Variants in ATG13 observed in about 807,000 individuals in gnomAD.
ATG13 encodes the protein autophagy related 13, also known as autophagy-related protein 13.
ATG13 carries 23 observed loss-of-function variants against 65.5 expected under a neutral mutation model. The ratio of observed to expected loss-of-function variants is 0.35; its 90% confidence interval spans 0.25 to 0.50. The LOEUF (loss-of-function observed/expected upper bound fraction) is 0.50. Among genes scored for constraint, ATG13 ranks in the 20% least tolerant of loss-of-function variants. ATG13 has a pLI of 0.98. For missense variants in ATG13, 566 were observed against 677.0 expected, an observed-to-expected ratio of 0.84 and a Z score of 1.82; for synonymous variants, 252 against 245.2, an observed-to-expected ratio of 1.03 and a Z score of -0.26.
intron 2 of ATG13, among the ~76,000 whole-genome samples, chr11:46,637,765 G>A (rs997389195): frequency 6.6e-6 from 1 of 152,202 alleles, no homozygotes; most frequent in Non-Finnish European, 1.5e-5. Context: ...AGAGGAGTGG[G>A]AAAGCTTTAT....
intron 12 of ATG13, 42 bp downstream of exon 12, chr11:46,664,137 T>A (rs115459916): frequency 1.5e-6 from 2 of 1,351,112 alleles, no homozygotes; most frequent in African/African-American, 1.5e-5. Flanking sequence ...TCAGATGGCA[T>A]CCTTTTATTT....
chr11:46,621,336 GTTGATACTTTCTTTT>G (rs1157092280), intron 1 of ATG13, among the ~76,000 whole-genome samples: 1 of 152,078 alleles, frequency 6.6e-6, no homozygotes, highest in East Asian at 1.9e-4. Context: ...ATTTTGAGTT[GTTGATACTTTCTTTT>G]TACATGAAGT....
intron 14 of ATG13, among the ~76,000 whole-genome samples, chr11:46,665,746 T>TA (rs1678262348): frequency 1.3e-5 from 2 of 151,676 alleles, no homozygotes; most frequent in Admixed American, 1.3e-4. Flanking sequence ...GATTTTGAGA[T>TA]TAACCTGGCC....
chr11:46,654,935 C>A (rs1030534540), intron 7 of ATG13, among the ~76,000 whole-genome samples: 3 of 150,756 alleles, frequency 2.0e-5, no homozygotes, highest in African/African-American at 7.3e-5. Flanking sequence ...CCTGTCTCTA[C>A]CAAAAATACA....
chr11:46,630,772 TC>T (rs2051420010), intron 2 of ATG13: 1 of 151,946 alleles, frequency 6.6e-6, no homozygotes. Flanking sequence ...GTCACTATGT[TC>T]CCTGGCTGGT....
At position 46,668,823 on chromosome 11, in the gene ATG13, A is replaced by T; in HGVS notation, c.1359A>T (p.Glu453Asp). ...ATCCTCCAGATTCCCCAGAGACTGA[A>T]TCTCCTCTCCAGGGCAGCCTGCACT... ...MVNPPDSPET[E>D]SPLQGSLHSD... The change falls in exon 17 of 19, where the codon GAA becomes GAT. Residue 453 changes from glutamate to aspartate, a missense_variant. By Grantham distance (45) the Glu-to-Asp change is conservative (BLOSUM62 2). Coordinates refer to ENST00000683050, the MANE Select transcript of ATG13 (RefSeq NM_001346311.2). The T allele has an allele frequency of 6.2e-7, 1 of 1,613,862 alleles. No individual in the cohort carries two copies. Among genetic ancestry groups the T allele is most frequent in the Non-Finnish European group, 8.5e-7 (1 of 1,179,970 alleles).
At chr11:46,653,180 C>CTTTTTT (rs1226638713) in intron 7 of ATG13, among the ~76,000 whole-genome samples, 22 of 132,658 alleles carry the variant, frequency 1.7e-4, no homozygotes, top group African/African-American at 4.3e-4. Context: ...CATTTCTTTT[C>CTTTTTT]TTTTTTTTTT....
chr11:46,650,336 C>A lies in ATG13; in HGVS notation c.458+19C>A. 1 of 1,604,160 alleles carries A rather than the reference C, an allele frequency of 6.2e-7. No individual in the cohort carries two copies. Among genetic ancestry groups the A allele is most frequent in the South Asian group, 1.1e-5 (1 of 90,674 alleles). On this transcript the variant is annotated intron_variant, in intron 7 of 18. Coordinates refer to ENST00000683050, the MANE Select transcript of ATG13 (RefSeq NM_001346311.2). The stretch of plus-strand genomic sequence containing the variant: ...TATACAGGTAAACAGCATAGATGGT[C>A]ATCTTGATTCACTCATCAACCCCCT...
chr11:46,643,339 A>G (rs955751405), intron 2 of ATG13, among the ~76,000 whole-genome samples: 1 of 152,178 alleles, frequency 6.6e-6, no homozygotes, highest in Non-Finnish European at 1.5e-5. Flanking sequence ...AACAAAGAGT[A>G]CATGACTACT....
chr11:46,624,837 A>G lies in ATG13; in HGVS notation c.-69-5208A>G, dbSNP rs192006747. On this transcript the variant is annotated intron_variant, in intron 1 of 18. Coordinates refer to ENST00000683050, the MANE Select transcript of ATG13 (RefSeq NM_001346311.2). ...TGCCTGAGCGCAAGAGTTTGAGACC[A>G]GCCTGAGCAACATAGTGAGATGCTG... Among the ~76,000 whole-genome samples, 164 of 152,302 alleles carry G rather than the reference A, an allele frequency of 1.1e-3. 1 individual carries two copies. The highest frequency in any genetic ancestry group is 8.9e-3 in the Admixed American group (136 of 15,278).
intron 5 of ATG13, 21 bp downstream of exon 5, chr11:46,646,010 G>T (rs1376846247): frequency 1.2e-6 from 2 of 1,613,684 alleles, no homozygotes; most frequent in African/African-American, 2.7e-5. Context: ...GGCCAGGTTG[G>T]TGTCTTCATT....
intron 1 of ATG13, among the ~76,000 whole-genome samples, chr11:46,623,277 G>T (rs550896797): frequency 1.3e-4 from 20 of 152,224 alleles, no homozygotes; most frequent in African/African-American, 4.3e-4. Flanking sequence ...CTGGGCAACA[G>T]AGCAAGACCC....
chr11:46,667,826 A>G lies in ATG13; in HGVS notation c.1190A>G (p.Asp397Gly), dbSNP rs2062712166. ...NSSEGRASPH[D>G]VLETIFVRKV... ...AGTGAGGGACGGGCCTCCCCTCACG[A>G]TGTCTTGGAGACCATCTTTGTCCGA... is the stretch of plus-strand genomic sequence containing the variant. The change falls in exon 15 of 19, where the codon GAT becomes GGT. Residue 397 changes from aspartate to glycine, a missense_variant. Coordinates refer to ENST00000683050, the MANE Select transcript of ATG13 (RefSeq NM_001346311.2). The G allele has an allele frequency of 6.2e-7, 1 of 1,612,380 alleles. No individual in the cohort carries two copies. The highest frequency in any genetic ancestry group is 2.2e-5 in the East Asian group (1 of 44,820).
chr11:46,637,022 C>T (rs747283523), intron 2 of ATG13, among the ~76,000 whole-genome samples: 18 of 152,000 alleles, frequency 1.2e-4, no homozygotes, highest in Admixed American at 9.2e-4. Context: ...CCACTGCGCC[C>T]AGCCATTGAG....
In ATG13 at chr11:46,658,778, C is replaced by T. The variant is rs143103590; in HGVS notation, c.696-614C>T. Among the ~76,000 whole-genome samples, 409 of 152,108 alleles carry T rather than the reference C, an allele frequency of 2.7e-3. 2 individuals carry two copies. Among genetic ancestry groups the T allele is most frequent in the African/African-American group, 9.5e-3 (394 of 41,488 alleles). ...CTCAAGCTCCTGACCTCAGATGATC[C>T]GCCTGCTTCGGCCTCCCAAAATGCT... On this transcript the variant is annotated intron_variant, in intron 10 of 18. Transcript: ENST00000683050.
intron 1 of ATG13, among the ~76,000 whole-genome samples, chr11:46,625,928 A>G (rs1303464274): frequency 9.2e-5 from 14 of 152,096 alleles, no homozygotes; most frequent in Admixed American, 8.5e-4. Flanking sequence ...TAGCATAGCC[A>G]TATTTGGGGG....
At chr11:46,663,423 G>A (rs1235879484) in intron 11 of ATG13, among the ~76,000 whole-genome samples, 1 of 152,032 alleles carries the variant, frequency 6.6e-6, no homozygotes, top group African/African-American at 2.4e-5. Context: ...GGGACTGTAA[G>A]AACGCATACA....
chr11:46,633,890 T>C (rs2135997462), intron 2 of ATG13, among the ~76,000 whole-genome samples: 1 of 152,318 alleles, frequency 6.6e-6, no homozygotes, highest in South Asian at 2.1e-4. Flanking sequence ...ATTAATAAAA[T>C]TAGTTTCTTT....
chr11:46,651,623 G>A (rs142026487), intron 7 of ATG13, among the ~76,000 whole-genome samples: 19 of 152,262 alleles, frequency 1.2e-4, no homozygotes, highest in African/African-American at 3.6e-4. Flanking sequence ...ATTTTTAGAC[G>A]AATAGTATAG....
Sources: allele counts gnomAD v4.1 joint callset (sites outside exome capture counted in the v4.1 genomes callset), GRCh38; gene constraint gnomAD v4.1.1; transcripts MANE v1.5; gene names NCBI Gene and HGNC (gene_info 2026-07-23, HGNC 2026-07-21).